Variants in COL6A3 observed in about 807,000 individuals in gnomAD.
COL6A3 encodes collagen type VI alpha 3 chain.
Under a neutral mutation model 274.1 loss-of-function variants are expected in COL6A3, and 137 were observed. The ratio of observed to expected loss-of-function variants is 0.50; its 90% CI spans 0.44 to 0.58. The LOEUF (loss-of-function observed/expected upper bound fraction) is 0.58, where lower values mean the gene tolerates loss of function less well. COL6A3 is among the 20% of genes least tolerant of loss of function. The pLI, the probability that COL6A3 is intolerant of heterozygous loss-of-function variation, is 0.00. For missense variants in COL6A3, 3,950 were observed against 4,124.9 expected (o/e 0.96, Z 1.16); for synonymous variants, 1,650 against 1,650.6 (o/e 1.00, Z 0.01).
chr2:237,408,140 ATCAT>A (rs141529506), intron 1 of COL6A3, among the ~76,000 whole-genome samples: 6,301 of 152,364 alleles, frequency 0.041, 155 homozygotes, highest in Non-Finnish European at 0.052. Context: ...AGAAGATAAA[ATCAT>A]TCTTGAAAAC....
At chr2:237,400,242 T>A (rs2106395973) in intron 1 of COL6A3, among the ~76,000 whole-genome samples, 1 of 152,338 alleles carries the variant, frequency 6.6e-6, no homozygotes, top group African/African-American at 2.4e-5. Context: ...ATCAAAAACA[T>A]CTTTCTGGGT....
rs1211501626 is a variant in COL6A3, at chr2:237,328,582, A to G, written c.9329-2858T>C. 5.9e-5 allele frequency: 9 copies of G among 152,208 alleles called. No individual in the cohort carries two copies. The East Asian group carries it at 1.7e-3, about 29-fold the overall frequency. The allele number at this position is 152,208 out of a possible 1,614,324, so 9.4% of individuals were successfully genotyped here. A position where few individuals can be genotyped will look rare whatever the true frequency, so the allele number is the denominator to read the frequency against. On this transcript the variant is annotated intron_variant, in intron 42 of 43. Coordinates refer to ENST00000295550, the MANE Select transcript of COL6A3 (RefSeq NM_004369.4). ...TGTCACAATGAGAATCGTGTAATAT[A>G]TTTCTCTGTACCTCCTGAATGCTTG...
At position 237,374,423 on chromosome 2, in the gene COL6A3, A is replaced by G. The variant is rs772944531; in HGVS notation, c.3668T>C (p.Leu1223Pro). 1.7e-5 allele frequency: 28 copies of G among 1,613,020 alleles called. No individual in the cohort carries two copies. The highest frequency in any genetic ancestry group is 3.3e-4 in the Middle Eastern group (2 of 6,084). Residue 1223 changes from leucine (L) to proline (P), a missense_variant, in exon 8 of 44, where the codon CTA becomes CCA. Physicochemically the swap from Leu to Pro is moderately conservative, Grantham distance 98. Around this residue, in one of 5 missense-constraint regions of COL6A3, gnomAD observed 1,934 missense variants for 1,984.3 expected, o/e 0.97. Transcript: ENST00000295550. This position sits in a 1 kb window ranked among gnomAD's most constrained non-coding sequence, Gnocchi z 4.8. Reference sequence around the variant, plus strand: ...AGTTCCCTGCGTACCTGGGCTCGGTAGAGGCTGCAACACCGGCTGCAGCCT... The same window carrying G: ...AGTTCCCTGCGTACCTGGGCTCGGTGGAGGCTGCAACACCGGCTGCAGCCT... ...LSRLQPVLQP[L>P]PSPGVGGKRD...
At chr2:237,342,421 G>A (rs1378274602) in intron 36 of COL6A3, 1 of 506,048 alleles carries the variant, frequency 2.0e-6, no homozygotes, top group Non-Finnish European at 3.6e-6. Context: ...TAAAATGGGG[G>A]GTAATACCTT....
chr2:237,350,489 T>C (rs1026515879), intron 27 of COL6A3, among the ~76,000 whole-genome samples: 1 of 152,136 alleles, frequency 6.6e-6, no homozygotes, highest in African/African-American at 2.4e-5. Flanking sequence ...GCGGTGGGCA[T>C]TGAGCCCAGC....
chr2:237,325,808 C>T (rs1041213715), intron 42 of COL6A3, 84 bp from the exon 43 acceptor site: 4 of 1,214,064 alleles, frequency 3.3e-6, no homozygotes, highest in East Asian at 2.4e-5. Flanking sequence ...AGTCTGATGA[C>T]CCTACTGTGG....
In COL6A3 at chr2:237,371,602, TAAAAACCATAAAGGTAAGG is replaced by T. The variant is rs547278643; in HGVS notation, c.4285+111_4285+129del. 79 of 1,493,026 alleles carry T rather than the reference TAAAAACCATAAAGGTAAGG, an allele frequency of 5.3e-5. No individual in the cohort carries two copies. In the Admixed American group the frequency reaches 1.1e-3, roughly 21 times the overall value. 92.5% of individuals were successfully genotyped at this position (1,493,026 alleles called of 1,614,324 possible). ...GACAGAGCCAGACCCTGTCTCAAAATAAAAACCATAAAGGTAAGGGCATACAACCTTTATTTTAATTTAA... is the reference window on the plus strand; with the variant it reads ...GACAGAGCCAGACCCTGTCTCAAAATGCATACAACCTTTATTTTAATTTAA... On this transcript the variant is annotated intron_variant, in intron 9 of 43. Coordinates refer to ENST00000295550, the MANE Select transcript of COL6A3 (RefSeq NM_004369.4). This position sits in a 1 kb window ranked among gnomAD's most constrained non-coding sequence, Gnocchi z 4.3.
At chr2:237,412,003 T>G (rs1186350337) in intron 1 of COL6A3, among the ~76,000 whole-genome samples, 8 of 151,750 alleles carry the variant, frequency 5.3e-5, no homozygotes, top group African/African-American at 9.6e-5. Flanking sequence ...ATGGAATTCC[T>G]TCCCAAGCCC....
intron 6 of COL6A3, 53 bp downstream of exon 6, chr2:237,378,583 C>A: frequency 6.2e-7 from 1 of 1,611,764 alleles, no homozygotes; most frequent in Non-Finnish European, 8.5e-7. Flanking sequence ...AACTACCCTC[C>A]AGGGTGGTGT....
At chr2:237,333,689 C>T (rs1700383780) in intron 41 of COL6A3, 141 bp from the exon 42 acceptor site, 1 of 735,100 alleles carries the variant, frequency 1.4e-6, no homozygotes, top group South Asian at 1.6e-5. Flanking sequence ...AGATCCAAGA[C>T]ACCTCTACAT....
rs73998889 is a variant in COL6A3 at position 237,360,038 on chromosome 2, G to A, written c.6282+50C>T. 11,411 of 1,585,368 alleles carry A rather than the reference G, an allele frequency of 7.2e-3. 363 individuals carry two copies. The African/African-American group carries it at 0.088, about 12-fold the overall frequency. ...CCCTGGCAGCATCTGGAGAAACTGC[G>A]AGTCACCTGACCCCTCCCCACGCTA... On this transcript the variant is annotated intron_variant, in intron 17 of 43. Coordinates refer to ENST00000295550, the MANE Select transcript of COL6A3 (RefSeq NM_004369.4).
intron 42 of COL6A3, chr2:237,328,453 C>T (rs1700063159): frequency 6.6e-6 from 1 of 152,158 alleles, no homozygotes; most frequent in Non-Finnish European, 1.5e-5. Context: ...AGTGGATGTG[C>T]ATGTGCGATG....
At position 237,373,716 on chromosome 2, in the gene COL6A3, G is replaced by C. The variant is rs540231777; in HGVS notation, c.3679+696C>G. On this transcript the variant is annotated intron_variant, in intron 8 of 43. Coordinates refer to ENST00000295550, the MANE Select transcript of COL6A3 (RefSeq NM_004369.4). ...TCGCCACTGTGAACCCCCCCCACCC[G>C]AGTGACCCGGGAGAGTGGCCCTTGG... Among the ~76,000 whole-genome samples the C allele has an allele frequency of 2.6e-5, 4 of 152,086 alleles. No homozygotes were observed. In the East Asian group the frequency reaches 7.7e-4, roughly 29 times the overall value.
At chr2:237,326,073 T>C (rs910241260) in intron 42 of COL6A3, 1 of 179,970 alleles carries the variant, frequency 5.6e-6, no homozygotes, top group Non-Finnish European at 1.2e-5. Context: ...AGTCCTTCCA[T>C]GTTAAATCCC....
chr2:237,391,512 T>G (rs530904075), intron 3 of COL6A3, among the ~76,000 whole-genome samples: 1,359 of 87,480 alleles, frequency 0.016, 9 homozygotes, highest in Middle Eastern at 0.021. Context: ...CACTGTTTGT[T>G]TGTTTGTTTG....
intron 30 of COL6A3, 90 bp downstream of exon 30, chr2:237,348,259 T>G: frequency 8.7e-7 from 1 of 1,148,036 alleles, no homozygotes; most frequent in South Asian, 1.2e-5. Context: ...GACCCAAGAC[T>G]AATGCCAAGA....
rs754202674 is a variant in COL6A3 at position 237,387,775 on chromosome 2, G to A, written c.1119C>T (p.Ser373=). The A allele has an allele frequency of 9.3e-6, 15 of 1,613,912 alleles. No individual in the cohort carries two copies. The highest frequency in any genetic ancestry group is 5.5e-5 in the South Asian group (5 of 91,052). ...RYGVVALKQA[S]VFSFGLGAQA... is the part of the protein sequence containing the mutation. ...GGGCTCCAAGGCCGAATGAGAACAC[G>A]CTAGCCTGCTTCAGTGCTACCACCC... The change falls in exon 4 of 44, where the codon AGC becomes AGT. Residue 373 remains serine (S), a synonymous_variant. Transcript: ENST00000295550.
Position 237,377,102 on chromosome 2 carries a change from G to C in COL6A3, c.2740C>G (p.Leu914Val). 1 of 1,614,208 alleles carries C rather than the reference G, an allele frequency of 6.2e-7. No individual in the cohort carries two copies. Among genetic ancestry groups the C allele is most frequent in the Non-Finnish European group, 8.5e-7 (1 of 1,180,048 alleles). The change falls in exon 7 of 44, where the codon CTC becomes GTC. Residue 914 changes from leucine (L) to valine (V), a missense_variant. Transcript: ENST00000295550. ...TAGTCCAGCGCGTAGCCCAGGTTGA[G>C]GGCTTTGCCCGTCTTGATCTTCATT... The part of the protein sequence containing the change: ...KRMKIKTGKA[L>V]NLGYALDYAQ...
rs114596320 is a variant in COL6A3, at chr2:237,334,707, C to A, written c.9148G>T (p.Ala3050Ser). Residue 3050 changes from alanine to serine, a missense_variant, in exon 41 of 44, where the codon GCT becomes TCT. By Grantham distance (99) the Ala-to-Ser change is moderately conservative (BLOSUM62 1). Around this residue, in one of 5 missense-constraint regions of COL6A3, gnomAD observed 1,284 missense variants for 1,349.7 expected, o/e 0.95. Coordinates refer to ENST00000295550, the MANE Select transcript of COL6A3 (RefSeq NM_004369.4). ...VTDRVIGGLL[A>S]GQTYHVAVVC... is the part of the protein sequence containing the mutation. ...ACAGCCACATGGTATGTCTGCCCAG[C>A]GAGCAGGCCTCCAATGACGCGGTCC... 2 of 1,613,984 alleles carry A rather than the reference C, an allele frequency of 1.2e-6. No individual in the cohort carries two copies. Among genetic ancestry groups the A allele is most frequent in the South Asian group, 1.1e-5 (1 of 91,060 alleles).
Sources: gnomAD v4.1 joint callset for allele counts (sites outside exome capture counted in the v4.1 genomes callset) on GRCh38, gnomAD v4.1.1 for gene constraint, gnomAD v4.1.1 regional missense constraint, Gnocchi (gnomAD v3.1) non-coding constraint, MANE v1.5 for transcripts, NCBI Gene and HGNC (gene_info 2026-07-23, HGNC 2026-07-21) for gene names.